The following ZNF181 variants were observed in gnomAD, a reference collection of about 807,000 sequenced individuals.
The protein encoded by ZNF181 is zinc finger protein 181, also known as zinc finger protein 181 (HHZ181).
Under a neutral mutation model 11.9 loss-of-function variants are expected in ZNF181, and 8 were observed. The observed-to-expected ratio is 0.67, with a 90% confidence interval of 0.39 to 1.21. ZNF181 has a LOEUF of 1.21. ZNF181 is among the 50% of genes most tolerant of loss of function. The probability of loss-of-function intolerance (pLI) is 0.01; values close to 1 mark genes in which losing one functional copy is unlikely to be tolerated. For synonymous variants in ZNF181, 202 were observed against 221.1 expected (o/e 0.91, Z 0.77); for missense variants, 542 against 670.9 (o/e 0.81, Z 2.12).
intron 3 of ZNF181, among the ~76,000 whole-genome samples, 195 bp from the exon 4 acceptor site, chr19:34,740,416 C>T (rs1169318210): frequency 6.6e-6 from 1 of 152,138 alleles, no homozygotes. Flanking sequence ...CACTGTGTTC[C>T]CACTTCTGTG....
chr19:34,735,143 T>A, intron 1 of ZNF181, 97 bp downstream of exon 1: 6 of 1,368,560 alleles, frequency 4.4e-6, no homozygotes, highest in African/African-American at 1.4e-5. Flanking sequence ...CAAGTCCATT[T>A]AAGGGACTGG....
In ZNF181 at chr19:34,741,375, C is replaced by T; in HGVS notation, c.994C>T (p.Arg332Cys). Residue 332 changes from arginine to cysteine, a missense_variant, in exon 4 of 4, where the codon CGT becomes TGT. Transcript: ENST00000492450. Reference protein sequence around the residue: ...ECMNCGKSFSRVSHLIEHLRI... With the variant: ...ECMNCGKSFSCVSHLIEHLRI... The stretch of plus-strand genomic sequence containing the variant: ...TATGAACTGTGGAAAGTCTTTTAGT[C>T]GTGTGTCCCATCTTATTGAACATCT... 9 of 1,613,762 alleles carry T rather than the reference C, an allele frequency of 5.6e-6. No individual in the cohort carries two copies. Among genetic ancestry groups the T allele is most frequent in the Non-Finnish European group, 7.6e-6 (9 of 1,179,786 alleles).
chr19:34,735,750 T>G (rs1462945875), intron 1 of ZNF181, among the ~76,000 whole-genome samples: 1 of 152,242 alleles, frequency 6.6e-6, no homozygotes, highest in Non-Finnish European at 1.5e-5. Context: ...CTCTGCCTCC[T>G]CATTCCTGTG....
chr19:34,739,474 CTCA>C, intron 2 of ZNF181, 46 bp from the exon 3 acceptor site: 1 of 1,610,930 alleles, frequency 6.2e-7, no homozygotes, highest in African/African-American at 1.3e-5. Context: ...GTGATGGCCT[CTCA>C]TAATAGAGGA....
At chr19:34,738,590 C>A (rs2068921598) in intron 1 of ZNF181, among the ~76,000 whole-genome samples, 1 of 150,298 alleles carries the variant, frequency 6.7e-6, no homozygotes, top group Non-Finnish European at 1.5e-5. Flanking sequence ...ATTACCCAGG[C>A]TGGAGTGCAG....
intron 1 of ZNF181, among the ~76,000 whole-genome samples, 166 bp downstream of exon 1, chr19:34,735,212 A>C (rs2068869963): frequency 6.6e-6 from 1 of 152,170 alleles, no homozygotes; most frequent in Admixed American, 6.5e-5. Flanking sequence ...CCAAGGTATT[A>C]TCCTCCTCAC....
In ZNF181 at chr19:34,744,638, C is replaced by G. The variant is rs2069017995; in HGVS notation, c.*2541C>G. 6.6e-6 allele frequency: 1 copy of G among 152,130 alleles called. No individual in the cohort carries two copies. Among genetic ancestry groups the G allele is most frequent in the Admixed American group, 6.5e-5 (1 of 15,282 alleles). 9.4% of individuals were successfully genotyped at this position (152,130 alleles called of 1,614,324 possible). ...TCACACCACTGCTTTCCAGCCTGGA[C>G]AGCAGAACACCACCCTGTCTCCAAA... On this transcript the variant is annotated 3_prime_UTR_variant, in exon 4 of 4. Coordinates refer to ENST00000492450, the MANE Select transcript of ZNF181 (RefSeq NM_001029997.4).
At position 34,741,763 on chromosome 19, in the gene ZNF181, A is replaced by G. The variant is rs762513628; in HGVS notation, c.1382A>G (p.Tyr461Cys). ...AGAAATCACATTAGATTGAAACCCT[A>G]CGAATGCAGTATATGTGGGAAAGCC... Reference protein sequence around the residue: ...HLRNHIRLKPYECSICGKAFS... With the variant: ...HLRNHIRLKPCECSICGKAFS... The change falls in exon 4 of 4, where the codon TAC (tyrosine) becomes TGC (cysteine). Residue 461 changes from tyrosine (Y) to cysteine (C), a missense_variant. Tyr to Cys is a radical substitution (Grantham distance 194). Transcript: ENST00000492450. The G allele has an allele frequency of 6.2e-7, 1 of 1,613,990 alleles. No homozygotes were observed. Among genetic ancestry groups the G allele is most frequent in the Admixed American group, 1.7e-5 (1 of 59,984 alleles).
Position 34,741,936 on chromosome 19 carries a change from T to C in ZNF181, c.1555T>C (p.Cys519Arg), listed in dbSNP as rs1432528655. 6.2e-7 allele frequency: 1 copy of C among 1,613,866 alleles called. No homozygotes were observed. The highest frequency in any genetic ancestry group is 8.5e-7 in the Non-Finnish European group (1 of 1,179,880). Reference sequence around the variant, plus strand: ...TCACACTGGAGAAAAGCCATATAAATGTAATGAGTGTGGGAAAGCTTTTAG... The same window carrying C: ...TCACACTGGAGAAAAGCCATATAAACGTAATGAGTGTGGGAAAGCTTTTAG... ...RIHTGEKPYK[C>R]NECGKAFSKG... Residue 519 changes from cysteine (C) to arginine (R), a missense_variant, in exon 4 of 4, where the codon TGT becomes CGT. By Grantham distance (180) the Cys-to-Arg change is radical (BLOSUM62 -3). Transcript: ENST00000492450.
At position 34,742,677 on chromosome 19, in the gene ZNF181, ATTTC is replaced by A. The variant is rs1600147086; in HGVS notation, c.*583_*586del. 2 of 152,224 alleles carry A rather than the reference ATTTC, an allele frequency of 1.3e-5. No homozygotes were observed. The highest frequency in any genetic ancestry group is 3.8e-4 in the East Asian group (2 of 5,202). The allele number at this position is 152,224 out of a possible 1,614,324, so 9.4% of individuals were successfully genotyped here. A position where few individuals can be genotyped will look rare whatever the true frequency, so the allele number is the denominator to read the frequency against. On this transcript the variant is annotated 3_prime_UTR_variant, in exon 4 of 4. Transcript: ENST00000492450. Reference sequence around the variant, plus strand: ...AAATAAACATTATAATAAAATATGCATTTCTTAGAGCAGTAGCTTGCAGTTTCAG... The same window carrying A: ...AAATAAACATTATAATAAAATATGCATTAGAGCAGTAGCTTGCAGTTTCAG...
intron 3 of ZNF181, among the ~76,000 whole-genome samples, 163 bp downstream of exon 3, chr19:34,739,784 A>C (rs949248956): frequency 5.9e-5 from 9 of 152,212 alleles, no homozygotes; most frequent in Non-Finnish European, 1.0e-4. Context: ...TTTTCAAAAC[A>C]ATTGTTCCTC....
At chr19:34,740,181 A>G (rs551443720) in intron 3 of ZNF181, among the ~76,000 whole-genome samples, 1 of 152,350 alleles carries the variant, frequency 6.6e-6, no homozygotes, top group South Asian at 2.1e-4. Flanking sequence ...CAACTGTTTA[A>G]TAACATCAAT....
In ZNF181 at chr19:34,744,108, A is replaced by G. The variant is rs796523491; in HGVS notation, c.*2011A>G. ...TAAAAAGGAACATTATGTTATAGTT[A>G]TGATAATTCTGGTGTGGAATGAGTG... On this transcript the variant is annotated 3_prime_UTR_variant, in exon 4 of 4. Transcript: ENST00000492450. 6.6e-5 allele frequency: 10 copies of G among 152,310 alleles called. No individual in the cohort carries two copies. Among genetic ancestry groups the G allele is most frequent in the African/African-American group, 2.4e-4 (10 of 41,574 alleles). 9.4% of individuals were successfully genotyped at this position (152,310 alleles called of 1,614,324 possible).
Position 34,736,047 on chromosome 19 carries a change from C to CT in ZNF181, c.9+1007dup, listed in dbSNP as rs375403693. 74 of 692,844 alleles carry CT rather than the reference C, an allele frequency of 1.1e-4. No individual in the cohort carries two copies. The African/African-American group carries it at 1.1e-3, about 10-fold the overall frequency. The allele number at this position is 692,844 out of a possible 1,614,324, so 42.9% of individuals were successfully genotyped here. A position where few individuals can be genotyped will look rare whatever the true frequency, so the allele number is the denominator to read the frequency against. ...ATTGTCTGTTCCTGGTGGGAGGAAT[C>CT]TTTTTTCTTTTTTGTTGTCTGTTAT... On this transcript the variant is annotated intron_variant, in intron 1 of 3. Coordinates refer to ENST00000492450, the MANE Select transcript of ZNF181 (RefSeq NM_001029997.4).
intron 1 of ZNF181, among the ~76,000 whole-genome samples, chr19:34,737,730 C>T (rs1462335871): frequency 1.3e-5 from 2 of 152,154 alleles, no homozygotes; most frequent in African/African-American, 2.4e-5. Context: ...TCCACAGAAG[C>T]AGGAGGTGGT....
Position 34,739,189 on chromosome 19 carries a change from G to A in ZNF181, c.51G>A (p.Glu17=). Residue 17 remains glutamate, a synonymous_variant, in exon 2 of 4, where the codon GAG becomes GAA. Coordinates refer to ENST00000492450, the MANE Select transcript of ZNF181 (RefSeq NM_001029997.4). ...TGGCTATAGACTTCACTCATGAAGA[G>A]TGGGGATGGCTCAGTTCTGCTCAGA... The part of the protein sequence containing the change: ...NDVAIDFTHE[E]WGWLSSAQRD... The A allele has an allele frequency of 6.2e-7, 1 of 1,613,832 alleles. No homozygotes were observed. The highest frequency in any genetic ancestry group is 8.5e-7 in the Non-Finnish European group (1 of 1,179,740).
At chr19:34,737,349 A>T (rs2068903055) in intron 1 of ZNF181, among the ~76,000 whole-genome samples, 1 of 152,262 alleles carries the variant, frequency 6.6e-6, no homozygotes, top group Admixed American at 6.5e-5. Flanking sequence ...AAATATCCAA[A>T]TAATGTAATA....
chr19:34,744,218 C>T lies in ZNF181; in HGVS notation c.*2121C>T, dbSNP rs191784003. On this transcript the variant is annotated 3_prime_UTR_variant, in exon 4 of 4. Transcript: ENST00000492450. The stretch of plus-strand genomic sequence containing the variant: ...AAAGCCAAAGCACAGAGGCATATTC[C>T]AATAGCAATTTGCAAGAGACAGTAG... 54 of 152,274 alleles carry T rather than the reference C, an allele frequency of 3.5e-4. No individual in the cohort carries two copies. Among genetic ancestry groups the T allele is most frequent in the African/African-American group, 1.3e-3 (53 of 41,558 alleles). 9.4% of individuals were successfully genotyped at this position (152,274 alleles called of 1,614,324 possible).
intron 1 of ZNF181, 105 bp downstream of exon 1, chr19:34,735,151 T>C: frequency 7.7e-7 from 1 of 1,300,290 alleles, no homozygotes. Context: ...TTTAAGGGAC[T>C]GGATCCATGG....
Sources: allele counts gnomAD v4.1 joint callset (sites outside exome capture counted in the v4.1 genomes callset), GRCh38; gene constraint gnomAD v4.1.1; transcripts MANE v1.5; gene names NCBI Gene and HGNC (gene_info 2026-07-23, HGNC 2026-07-21).